Variants in NIPAL2 observed in about 807,000 individuals in gnomAD.
The protein encoded by NIPAL2 is NIPA like domain containing 2.
NIPAL2 carries 43 observed loss-of-function variants against 48.9 expected under a neutral mutation model. The observed-to-expected ratio is 0.88, with a 90% CI of 0.69 to 1.13. NIPAL2 has a LOEUF of 1.13. Ranked by LOEUF, NIPAL2 falls within the 50% of genes most tolerant of loss-of-function variation. The pLI, the probability that NIPAL2 is intolerant of heterozygous loss-of-function variation, is 0.00. For missense variants in NIPAL2, 446 were observed against 461.4 expected (o/e 0.97, Z 0.31); for synonymous variants, 167 against 174.6 (o/e 0.96, Z 0.34).
intron 4 of NIPAL2, among the ~76,000 whole-genome samples, chr8:98,223,210 T>C (rs1811994288): frequency 6.6e-6 from 1 of 152,150 alleles, no homozygotes; most frequent in Non-Finnish European, 1.5e-5. Context: ...ATTAATCCAA[T>C]CTAGAATATA....
chr8:98,238,622 C>G (rs58384499), intron 3 of NIPAL2, among the ~76,000 whole-genome samples: 18 of 146,472 alleles, frequency 1.2e-4, no homozygotes, highest in African/African-American at 4.5e-4. Flanking sequence ...TTTTTTTTTT[C>G]CTCAACTTAG....
At chr8:98,271,933 T>C (rs1815157489) in intron 1 of NIPAL2, among the ~76,000 whole-genome samples, 1 of 152,138 alleles carries the variant, frequency 6.6e-6, no homozygotes, top group African/African-American at 2.4e-5. Context: ...AAAAGCTTAT[T>C]CTACGTCTAT....
At chr8:98,217,042 G>C (rs1811613472) in intron 5 of NIPAL2, 1 of 985,050 alleles carries the variant, frequency 1.0e-6, no homozygotes, top group East Asian at 1.1e-4. Flanking sequence ...TTCTCACCTA[G>C]TTTGACCTTG....
At chr8:98,239,429 T>C (rs938710230) in intron 3 of NIPAL2, among the ~76,000 whole-genome samples, 1 of 152,294 alleles carries the variant, frequency 6.6e-6, no homozygotes, top group Admixed American at 6.5e-5. Flanking sequence ...CATAAATACA[T>C]TTACTTTCAG....
At chr8:98,224,809 A>T (rs1812077041) in intron 4 of NIPAL2, among the ~76,000 whole-genome samples, 2 of 129,684 alleles carry the variant, frequency 1.5e-5, no homozygotes, top group Admixed American at 9.7e-5. Flanking sequence ...CCCAGGCTGG[A>T]GTGCAGTGGT....
intron 10 of NIPAL2, 85 bp downstream of exon 10, chr8:98,194,643 A>G (rs1323668012): frequency 1.5e-6 from 1 of 666,944 alleles, no homozygotes; most frequent in Non-Finnish European, 2.4e-6. Flanking sequence ...ATTATGTTTT[A>G]TATTAACTTA....
chr8:98,250,893 G>T (rs961532696), intron 3 of NIPAL2, among the ~76,000 whole-genome samples: 2 of 152,270 alleles, frequency 1.3e-5, no homozygotes, highest in East Asian at 1.9e-4. Context: ...TCTAGGAAGG[G>T]TGCCACTGCT....
intron 4 of NIPAL2, among the ~76,000 whole-genome samples, chr8:98,226,182 G>GTTA (rs945125791): frequency 1.2e-4 from 19 of 152,028 alleles, no homozygotes; most frequent in Admixed American, 3.9e-4. Context: ...TGTCTGAAAG[G>GTTA]TTACATAACC....
At chr8:98,203,016 T>C in intron 8 of NIPAL2, 92 bp downstream of exon 8, 1 of 1,011,496 alleles carries the variant, frequency 9.9e-7, no homozygotes, top group East Asian at 2.5e-5. Flanking sequence ...CACAGATCCT[T>C]ACAACCTAAA....
chr8:98,282,663 C>A (rs577366112), intron 1 of NIPAL2, among the ~76,000 whole-genome samples: 2 of 152,156 alleles, frequency 1.3e-5, no homozygotes, highest in East Asian at 3.9e-4. Context: ...CAGAGTGAGA[C>A]CCTGTCTCTA....
intron 8 of NIPAL2, among the ~76,000 whole-genome samples, chr8:98,199,181 C>T (rs1027300901): frequency 6.6e-6 from 1 of 152,074 alleles, no homozygotes; most frequent in Non-Finnish European, 1.5e-5. Flanking sequence ...GTCTCGAACT[C>T]CCAACCTCAG....
chr8:98,202,061 C>A lies in NIPAL2; in HGVS notation c.880+1047G>T, dbSNP rs1487795775. On this transcript the variant is annotated intron_variant, in intron 8 of 10. Transcript: ENST00000430223. ...AAATATAGAAATGGTATACTCAAAT[C>A]AACTGTTTTTGGTTTGGACCGAGTT... Among the ~76,000 whole-genome samples the A allele has an allele frequency of 4.6e-5, 7 of 152,296 alleles. No homozygotes were observed. In the East Asian group the frequency reaches 1.3e-3, roughly 29 times the overall value.
At chr8:98,196,170 A>C (rs1293908008) in intron 8 of NIPAL2, among the ~76,000 whole-genome samples, 165 bp from the exon 9 acceptor site, 2 of 152,242 alleles carry the variant, frequency 1.3e-5, no homozygotes, top group Admixed American at 1.3e-4. Context: ...TGCATGCCAC[A>C]CATTCTGAAT....
intron 4 of NIPAL2, among the ~76,000 whole-genome samples, chr8:98,224,861 T>C (rs1449350957): frequency 6.7e-6 from 1 of 149,198 alleles, no homozygotes; most frequent in Admixed American, 6.8e-5. Context: ...TGGGTTCAAG[T>C]GATCCTCCTC....
intron 1 of NIPAL2, among the ~76,000 whole-genome samples, chr8:98,261,978 A>G (rs1328230609): frequency 1.2e-5 from 1 of 85,582 alleles, no homozygotes; most frequent in Non-Finnish European, 2.4e-5. Context: ...AATATTCAAC[A>G]TTCTTAAAGA....
chr8:98,250,195 C>A (rs1364077660), intron 3 of NIPAL2, among the ~76,000 whole-genome samples: 1 of 152,078 alleles, frequency 6.6e-6, no homozygotes, highest in African/African-American at 2.4e-5. Context: ...AGCAACACTG[C>A]AATAGGTTTT....
At chr8:98,291,301 G>C (rs2130926785) in intron 1 of NIPAL2, among the ~76,000 whole-genome samples, 1 of 152,300 alleles carries the variant, frequency 6.6e-6, no homozygotes, top group Non-Finnish European at 1.5e-5. Context: ...AAAGGCACCA[G>C]TCCTGGCCAT....
chr8:98,252,719 C>CT, intron 2 of NIPAL2, 85 bp from the exon 3 acceptor site: 1 of 1,135,840 alleles, frequency 8.8e-7, no homozygotes, highest in Non-Finnish European at 1.2e-6. Flanking sequence ...TCCTTTAATT[C>CT]TTTTTATAAG....
At chr8:98,282,158 A>T (rs1162397913) in intron 1 of NIPAL2, among the ~76,000 whole-genome samples, 1 of 152,174 alleles carries the variant, frequency 6.6e-6, no homozygotes, top group African/African-American at 2.4e-5. Context: ...CACCAGGGTG[A>T]GTGCATTCCG....
Sources: gnomAD v4.1 joint callset for allele counts (sites outside exome capture counted in the v4.1 genomes callset) on GRCh38, gnomAD v4.1.1 for gene constraint, MANE v1.5 for transcripts, NCBI Gene and HGNC (gene_info 2026-07-23, HGNC 2026-07-21) for gene names.